Variants in ATP2B3 observed in about 807,000 individuals in gnomAD.
ATP2B3 encodes plasma membrane calcium-transporting ATPase 3.
A neutral mutation model predicts 70.8 loss-of-function variants in ATP2B3; 12 were observed. The observed-to-expected ratio is 0.17, with a 90% CI of 0.11 to 0.27. The LOEUF (loss-of-function observed/expected upper bound fraction) is 0.27. ATP2B3 is among the 10% of genes least tolerant of loss of function. The pLI is 1.00. For synonymous variants in ATP2B3, 460 were observed against 497.8 expected (o/e 0.92, Z 1.01); for missense variants, 858 against 1,118.5 (o/e 0.77, Z 3.32).
intron 21 of ATP2B3, among the ~76,000 whole-genome samples, chrX:153,577,233 T>C (rs1318461103): frequency 8.9e-6 from 1 of 112,838 alleles, no homozygotes; most frequent in African/African-American, 3.2e-5. Context: ...GGAGGAGCAG[T>C]AGCAGCAGAA....
rs2090924004 is a variant in ATP2B3 at position 153,581,693 on chromosome X, G to C, written c.*1395G>C. 8.8e-6 allele frequency: 1 copy of C among 113,020 alleles called. No individual in the cohort carries two copies. Among genetic ancestry groups the C allele is most frequent in the South Asian group, 3.6e-4 (1 of 2,792 alleles). The allele number at this position is 113,020 out of a possible 1,213,427, so 9.3% of individuals were successfully genotyped here. On this transcript the variant is annotated 3_prime_UTR_variant, in exon 22 of 22. Coordinates refer to ENST00000263519, the MANE Select transcript of ATP2B3 (RefSeq NM_001001344.3). ...CACTGTTTGCTTTGGCAAATGCCGA[G>C]GAGTCCTCGGTAGACCACCTTGATG...
chrX:153,552,995 C>T, intron 12 of ATP2B3, 40 bp from the exon 13 acceptor site: 1 of 1,124,286 alleles, frequency 8.9e-7, no homozygotes, highest in Non-Finnish European at 1.2e-6. Flanking sequence ...TTGTTGTTCT[C>T]TCCCCACCTC....
chrX:153,521,294 G>A (rs1414152064), intron 2 of ATP2B3, among the ~76,000 whole-genome samples: 2 of 113,135 alleles, frequency 1.8e-5, no homozygotes, highest in Non-Finnish European at 3.7e-5. Context: ...GGGCGGTGCT[G>A]GCAGTGGGCC....
At position 153,558,123 on chromosome X, in the gene ATP2B3, G is replaced by A. The variant is rs1557014659; in HGVS notation, c.2445G>A (p.Gly815=). The change falls in exon 17 of 22, where the codon GGG becomes GGA. Residue 815 remains glycine, a synonymous_variant. Coordinates refer to ENST00000263519, the MANE Select transcript of ATP2B3 (RefSeq NM_001001344.3). ...TGTCACCCCCCCAGGGCATCGCAGG[G>A]ACCGACGTGGCCAAGGAGGCCTCCG... ...ADVGFAMGIA[G]TDVAKEASDI... 3 of 1,209,419 alleles carry A rather than the reference G, an allele frequency of 2.5e-6. No homozygotes were observed. The South Asian group carries it at 5.3e-5, about 21-fold the overall frequency.
intron 21 of ATP2B3, among the ~76,000 whole-genome samples, chrX:153,573,555 G>C (rs2090818215): frequency 8.9e-6 from 1 of 112,827 alleles, no homozygotes; most frequent in Non-Finnish European, 1.9e-5. Context: ...CCTACCACAG[G>C]GGAATGCCCT....
At chrX:153,518,227 G>T (rs2124274883) in intron 1 of ATP2B3, among the ~76,000 whole-genome samples, 1 of 112,957 alleles carries the variant, frequency 8.9e-6, no homozygotes, top group African/African-American at 3.2e-5. Context: ...TGGGCCGGGA[G>T]CCCGCCAGTG....
At chrX:153,525,933 T>C (rs966886316) in intron 2 of ATP2B3, among the ~76,000 whole-genome samples, 10 of 113,144 alleles carry the variant, frequency 8.8e-5, no homozygotes, top group African/African-American at 3.2e-4. Flanking sequence ...ACGCCTGCCC[T>C]GGTAGCCCCT....
At chrX:153,534,825 G>T (rs782713330) in intron 2 of ATP2B3, among the ~76,000 whole-genome samples, 1 of 113,313 alleles carries the variant, frequency 8.8e-6, no homozygotes, top group Non-Finnish European at 1.9e-5. Flanking sequence ...GTGGATGGAT[G>T]TTTCGTGAAG....
At chrX:153,535,509 C>G (rs1366277785) in intron 2 of ATP2B3, among the ~76,000 whole-genome samples, 2 of 108,937 alleles carry the variant, frequency 1.8e-5, no homozygotes, top group African/African-American at 6.7e-5. Flanking sequence ...TCCGTCTTGT[C>G]CCTCTCTCCC....
At chrX:153,547,678 C>T (rs941604366) in intron 8 of ATP2B3, among the ~76,000 whole-genome samples, 157 bp from the exon 9 acceptor site, 1 of 111,025 alleles carries the variant, frequency 9.0e-6, no homozygotes, top group South Asian at 3.9e-4. Flanking sequence ...GCTTAGGAGG[C>T]GAGAGAAGGG....
At chrX:153,541,179 C>G (rs1603049470) in intron 3 of ATP2B3, among the ~76,000 whole-genome samples, 180 bp from the exon 4 acceptor site, 3 of 112,668 alleles carry the variant, frequency 2.7e-5, no homozygotes, top group African/African-American at 9.7e-5. Flanking sequence ...ACGTGCACAC[C>G]CCCAGCAGTC....
Position 153,531,057 on chromosome X carries a change from A to C in ATP2B3, c.-126-5065A>C, listed in dbSNP as rs1432734981. On this transcript the variant is annotated intron_variant, in intron 2 of 21. Coordinates refer to ENST00000263519, the MANE Select transcript of ATP2B3 (RefSeq NM_001001344.3). The stretch of plus-strand genomic sequence containing the variant: ...TCCTTTCCCCTCCCAGGTGGTCGCC[A>C]AGGTGCGTCAAGCAGAGGGGAGGGG... Among the ~76,000 whole-genome samples the C allele has an allele frequency of 3.6e-5, 4 of 111,441 alleles. No individual in the cohort carries two copies. The East Asian group carries it at 1.2e-3, about 32-fold the overall frequency.
rs782358205 is a variant in ATP2B3, at chrX:153,524,176, C to T, written c.-127+5625C>T. Among the ~76,000 whole-genome samples the T allele has an allele frequency of 8.2e-5, 9 of 110,161 alleles. No individual in the cohort carries two copies. The South Asian group carries it at 3.1e-3, about 38-fold the overall frequency. On this transcript the variant is annotated intron_variant, in intron 2 of 21. Coordinates refer to ENST00000263519, the MANE Select transcript of ATP2B3 (RefSeq NM_001001344.3). ...CCATTGTTTCTAGGCTTAGAAAATC[C>T]CTTTCGGAAATTTGAGAGCTGTTCA...
chrX:153,560,061 G>A (rs1305821843), intron 18 of ATP2B3, 119 bp downstream of exon 18: 5 of 759,475 alleles, frequency 6.6e-6, no homozygotes, highest in African/African-American at 2.1e-5. Context: ...GTGGGACGCT[G>A]CACTTCCTGA....
At chrX:153,556,267 C>T (rs782163960) in intron 14 of ATP2B3, 39 bp downstream of exon 14, 2 of 1,201,552 alleles carry the variant, frequency 1.7e-6, no homozygotes, top group East Asian at 6.0e-5. Flanking sequence ...CCCCCCTTCT[C>T]CTCACCCCAG....
chrX:153,553,936 TCACAAGCAGGGC>T (rs1469375693), intron 13 of ATP2B3, among the ~76,000 whole-genome samples: 1 of 113,321 alleles, frequency 8.8e-6, no homozygotes, highest in Non-Finnish European at 1.9e-5. Context: ...CCCACCTGTG[TCACAAGCAGGGC>T]CACTGTGACC....
intron 12 of ATP2B3, among the ~76,000 whole-genome samples, chrX:153,552,242 T>A (rs2090468586): frequency 8.9e-6 from 1 of 112,571 alleles, no homozygotes; most frequent in African/African-American, 3.2e-5. Context: ...GGCATGGAGA[T>A]CACAGAATAC....
In ATP2B3 at chrX:153,576,274, T is replaced by A. The variant is rs58008592; in HGVS notation, c.3343-3704T>A. On this transcript the variant is annotated intron_variant, in intron 21 of 21. Coordinates refer to ENST00000263519, the MANE Select transcript of ATP2B3 (RefSeq NM_001001344.3). ...TTGCTGGTGGGGGTTGGGGTCCCAATGTGACCCCAGGGCCCCAGGCAGGAC... is the reference window on the plus strand; with the variant it reads ...TTGCTGGTGGGGGTTGGGGTCCCAAAGTGACCCCAGGGCCCCAGGCAGGAC... Among the ~76,000 whole-genome samples, 715 of 110,410 alleles carry A rather than the reference T, an allele frequency of 6.5e-3. 4 individuals carry two copies. The highest frequency in any genetic ancestry group is 0.023 in the African/African-American group (700 of 30,276).
chrX:153,556,224 G>A lies in ATP2B3; in HGVS notation c.2234G>A (p.Gly745Asp). The A allele has an allele frequency of 8.3e-7, 1 of 1,208,654 alleles. No homozygotes were observed. The change falls in exon 14 of 22, where the codon GGC becomes GAC. Residue 745 changes from glycine to aspartate, a missense_variant. By Grantham distance (94) the Gly-to-Asp change is moderately conservative. Transcript: ENST00000263519. ...AACCGGCGGATCCGCAATGAGAAAGGCGAGGTAGCACCCGGCTGTCTGCCA... is the reference window on the plus strand; with the variant it reads ...AACCGGCGGATCCGCAATGAGAAAGACGAGGTAGCACCCGGCTGTCTGCCA... ...EFNRRIRNEKGEIEQERLDKV... is the reference protein window; with the variant it reads ...EFNRRIRNEKDEIEQERLDKV...
Sources: allele counts gnomAD v4.1 joint callset (sites outside exome capture counted in the v4.1 genomes callset), GRCh38; gene constraint gnomAD v4.1.1; transcripts MANE v1.5; gene names NCBI Gene and HGNC (gene_info 2026-07-23, HGNC 2026-07-21).